KCNQ1OT1: variants seen among roughly 807,000 people sequenced by gnomAD.
The protein encoded by KCNQ1OT1 is KCNQ1 antisense RNA 2 (non-protein coding).
chr11:2,675,831 TA>T (rs1850283833), exon 1 of KCNQ1OT1: 7 of 398,594 alleles, frequency 1.8e-5, no homozygotes, highest in Admixed American at 4.4e-5. Flanking sequence ...CACACTGCCC[TA>T]CCGTGCATCC....
At chr11:2,692,350 A>C (rs553246705) in exon 1 of KCNQ1OT1, 1 of 398,940 alleles carries the variant, frequency 2.5e-6, no homozygotes, top group Admixed American at 4.4e-5. Flanking sequence ...TCTGTACTGC[A>C]GGCATCTCCT....
chr11:2,675,169 G>T, exon 1 of KCNQ1OT1: 1 of 398,598 alleles, frequency 2.5e-6, no homozygotes. Flanking sequence ...TGCTCTAGCG[G>T]GGAAAGATTA....
Position 2,633,056 on chromosome 11 carries a change from T to A in KCNQ1OT1, n.66939A>T, listed in dbSNP as rs573626016. On this transcript the variant is annotated non_coding_transcript_exon_variant, in exon 1 of 1. Transcript: ENST00000597346. ...CAAATAGTGTATTATTTCCCTTTTC[T>A]CTGCATCCTTGCCAGCATTTGTTAT... 9.7e-4 allele frequency: 385 copies of A among 398,536 alleles called. 1 individual carries two copies. The highest frequency in any genetic ancestry group is 1.4e-3 in the Non-Finnish European group (326 of 226,008). The allele number at this position is 398,536 out of a possible 1,614,324, so 24.7% of individuals were successfully genotyped here.
At chr11:2,610,023 T>C (rs1477825889) in exon 1 of KCNQ1OT1, 1 of 397,886 alleles carries the variant, frequency 2.5e-6, no homozygotes, top group African/African-American at 2.1e-5. Context: ...TTATTATTGA[T>C]ATAATTAGAT....
At chr11:2,644,117 C>T in exon 1 of KCNQ1OT1, 1 of 398,482 alleles carries the variant, frequency 2.5e-6, no homozygotes, top group African/African-American at 2.1e-5. Context: ...TCTGAGATTC[C>T]TATATTTGGA....
chr11:2,616,782 T>C, exon 1 of KCNQ1OT1: 1 of 398,296 alleles, frequency 2.5e-6, no homozygotes, highest in East Asian at 3.6e-5. Context: ...TTAAAATTTA[T>C]TGAGACTCTT....
rs986744526 is a variant in KCNQ1OT1 at position 2,620,799 on chromosome 11, T to C, written n.79196A>G. 10 of 398,542 alleles carry C rather than the reference T, an allele frequency of 2.5e-5. No homozygotes were observed. The highest frequency in any genetic ancestry group is 1.2e-4 in the African/African-American group (6 of 48,646). The allele number at this position is 398,542 out of a possible 1,614,324, so 24.7% of individuals were successfully genotyped here. A position where few individuals can be genotyped will look rare whatever the true frequency, so the allele number is the denominator to read the frequency against. On this transcript the variant is annotated non_coding_transcript_exon_variant, in exon 1 of 1. Transcript: ENST00000597346. The surrounding 1 kb of genome is among the most constrained non-coding windows in gnomAD (Gnocchi z 4.5). The stretch of plus-strand genomic sequence containing the variant: ...GCACAGTGGCTGAACTAATTTGTAT[T>C]CCTGCCAACAGTGTATAAGCGTTCC...
chr11:2,666,735 A>G lies in KCNQ1OT1; in HGVS notation n.33260T>C, dbSNP rs1277803728. On this transcript the variant is annotated non_coding_transcript_exon_variant, in exon 1 of 1. Coordinates refer to ENST00000597346, the Ensembl canonical transcript of KCNQ1OT1. ...ACTGTGACCTACTCCCACAGACCCCAGGGTACCAGGCACTGCAGCTCTGTG... is the reference window on the plus strand; with the variant it reads ...ACTGTGACCTACTCCCACAGACCCCGGGGTACCAGGCACTGCAGCTCTGTG... 156 of 398,678 alleles carry G rather than the reference A, an allele frequency of 3.9e-4. 2 individuals are homozygous for G. The highest frequency in any genetic ancestry group is 6.2e-5 in the Non-Finnish European group (14 of 226,124). 24.7% of individuals were successfully genotyped at this position (398,678 alleles called of 1,614,324 possible).
At chr11:2,635,730 G>A (rs553737498) in exon 1 of KCNQ1OT1, 10 of 152,282 alleles carry the variant, frequency 6.6e-5, no homozygotes, top group Non-Finnish European at 1.2e-4. Flanking sequence ...AAAGTCATTG[G>A]TAGCTTGATG....
chr11:2,615,140 T>A (rs922753133), exon 1 of KCNQ1OT1: 37 of 398,210 alleles, frequency 9.3e-5, no homozygotes, highest in Middle Eastern at 1.2e-3. Flanking sequence ...CTAGCTATTT[T>A]ACTCTTTTTG....
chr11:2,680,674 A>T, exon 1 of KCNQ1OT1: 1 of 398,260 alleles, frequency 2.5e-6, no homozygotes, highest in Admixed American at 4.4e-5. Flanking sequence ...GACATTTCTA[A>T]CTCTTCAAGA....
At chr11:2,643,696 C>A (rs1351133576) in exon 1 of KCNQ1OT1, 2 of 398,316 alleles carry the variant, frequency 5.0e-6, no homozygotes, top group East Asian at 3.6e-5. Context: ...TAATTGATTT[C>A]TGATTATTTT....
In KCNQ1OT1 at chr11:2,671,446, G is replaced by A. The variant is rs551061955; in HGVS notation, n.28549C>T. The A allele has an allele frequency of 9.6e-4, 384 of 398,658 alleles. 3 individuals carry two copies. The highest frequency in any genetic ancestry group is 7.5e-3 in the African/African-American group (365 of 48,766). The allele number at this position is 398,658 out of a possible 1,614,324, so 24.7% of individuals were successfully genotyped here. A position where few individuals can be genotyped will look rare whatever the true frequency, so the allele number is the denominator to read the frequency against. On this transcript the variant is annotated non_coding_transcript_exon_variant, in exon 1 of 1. Coordinates refer to ENST00000597346, the Ensembl canonical transcript of KCNQ1OT1. This position sits in a 1 kb window ranked among gnomAD's most constrained non-coding sequence, Gnocchi z 4.7. ...AGAGATTCTCCCACTTTAGCAGGCA[G>A]AAGAGCAACCCAGCAGGGGATATAC...
chr11:2,651,149 A>G lies in KCNQ1OT1; in HGVS notation n.48846T>C. The G allele has an allele frequency of 2.5e-6, 1 of 398,642 alleles. No homozygotes were observed. The highest frequency in any genetic ancestry group is 1.3e-4 in the South Asian group (1 of 7,850). 24.7% of individuals were successfully genotyped at this position (398,642 alleles called of 1,614,324 possible). A position where few individuals can be genotyped will look rare whatever the true frequency, so the allele number is the denominator to read the frequency against. ...ATAACAGCTCAAGGGAGTTCTTTAA[A>G]TGTACAGTGGATCTTGCTGCTTCCC... On this transcript the variant is annotated non_coding_transcript_exon_variant, in exon 1 of 1. Transcript: ENST00000597346. The surrounding 1 kb of genome is among the most constrained non-coding windows in gnomAD (Gnocchi z 6.1).
chr11:2,671,670 A>G lies in KCNQ1OT1; in HGVS notation n.28325T>C, dbSNP rs79645020. ...TGCTGGGGAAACTGAGGCAGAGAGC[A>G]GGGGTGACTTTGCAAGGCAATAGAG... On this transcript the variant is annotated non_coding_transcript_exon_variant, in exon 1 of 1. Transcript: ENST00000597346. The surrounding 1 kb of genome is among the most constrained non-coding windows in gnomAD (Gnocchi z 4.7). 1.4e-5 allele frequency: 3 copies of G among 209,210 alleles called. No individual in the cohort carries two copies. Among genetic ancestry groups the G allele is most frequent in the Non-Finnish European group, 2.5e-5 (3 of 120,332 alleles). 13.0% of individuals were successfully genotyped at this position (209,210 alleles called of 1,614,324 possible). A position where few individuals can be genotyped will look rare whatever the true frequency, so the allele number is the denominator to read the frequency against.
In KCNQ1OT1 at chr11:2,690,940, G is replaced by T. The variant is rs754407230; in HGVS notation, n.9055C>A. ...CCAGCGGCTTTAAGCCAACCTGAAA[G>T]GTTCATTTGGGAGTCACGGGTATGT... On this transcript the variant is annotated non_coding_transcript_exon_variant, in exon 1 of 1. Transcript: ENST00000597346. The surrounding 1 kb of genome is among the most constrained non-coding windows in gnomAD (Gnocchi z 5.1). 68 of 398,444 alleles carry T rather than the reference G, an allele frequency of 1.7e-4. No individual in the cohort carries two copies. Among genetic ancestry groups the T allele is most frequent in the Middle Eastern group, 6.2e-4 (1 of 1,612 alleles). 24.7% of individuals were successfully genotyped at this position (398,444 alleles called of 1,614,324 possible). A position where few individuals can be genotyped will look rare whatever the true frequency, so the allele number is the denominator to read the frequency against.
rs978204863 is a variant in KCNQ1OT1, at chr11:2,624,645, G to A, written n.75350C>T. On this transcript the variant is annotated non_coding_transcript_exon_variant, in exon 1 of 1. Coordinates refer to ENST00000597346, the Ensembl canonical transcript of KCNQ1OT1. The surrounding 1 kb of genome is among the most constrained non-coding windows in gnomAD (Gnocchi z 4.9). ...ACAATTCAGTGAATGTATTAGATAC[G>A]TTCACAATGCTGTGCAATCATCACT... 25 of 398,272 alleles carry A rather than the reference G, an allele frequency of 6.3e-5. 1 individual carries two copies. Among genetic ancestry groups the A allele is most frequent in the Non-Finnish European group, 8.0e-5 (18 of 226,012 alleles). The allele number at this position is 398,272 out of a possible 1,614,324, so 24.7% of individuals were successfully genotyped here.
Position 2,682,659 on chromosome 11 carries a change from T to C in KCNQ1OT1, n.17336A>G. On this transcript the variant is annotated non_coding_transcript_exon_variant, in exon 1 of 1. Coordinates refer to ENST00000597346, the Ensembl canonical transcript of KCNQ1OT1. The surrounding 1 kb of genome is among the most constrained non-coding windows in gnomAD (Gnocchi z 5.8). ...CATCCCTGCTTCCCCAGGGCTCATG[T>C]CCACATGCTATTGTCCATAGAAGCT... 2.5e-6 allele frequency: 1 copy of C among 398,660 alleles called. No homozygotes were observed. Among genetic ancestry groups the C allele is most frequent in the Non-Finnish European group, 4.4e-6 (1 of 226,094 alleles). 24.7% of individuals were successfully genotyped at this position (398,660 alleles called of 1,614,324 possible).
rs1849916132 is a variant in KCNQ1OT1, at chr11:2,659,712, C to CGAG, written n.40282_40283insCTC. The CGAG allele has an allele frequency of 7.5e-6, 3 of 398,450 alleles. No individual in the cohort carries two copies. The Admixed American group carries it at 1.3e-4, about 18-fold the overall frequency. 24.7% of individuals were successfully genotyped at this position (398,450 alleles called of 1,614,324 possible). On this transcript the variant is annotated non_coding_transcript_exon_variant, in exon 1 of 1. Coordinates refer to ENST00000597346, the Ensembl canonical transcript of KCNQ1OT1. This position sits in a 1 kb window ranked among gnomAD's most constrained non-coding sequence, Gnocchi z 4.3. ...TCACTGTGCCATTTTGCATTCCCAC[C>CGAG]AGTAACATATGAGAGTTCTACATGT...
Sources: gnomAD v4.1 joint callset for allele counts on GRCh38, gnomAD v4.1.1 for gene constraint, Gnocchi (gnomAD v3.1) non-coding constraint, MANE v1.5 for transcripts, NCBI Gene and HGNC (gene_info 2026-07-23, HGNC 2026-07-21) for gene names.